Variants in GPATCH2 observed in about 807,000 individuals in gnomAD.
GPATCH2 encodes the protein G-patch domain containing 2.
Under a neutral mutation model 58.0 loss-of-function variants are expected in GPATCH2, and 51 were observed. The observed-to-expected ratio is 0.88, with a 90% CI of 0.70 to 1.11. GPATCH2 has a LOEUF of 1.11. Ranked by LOEUF, GPATCH2 falls within the 50% of genes most tolerant of loss-of-function variation. GPATCH2 has a pLI of 0.00. For synonymous variants in GPATCH2, 222 were observed against 218.5 expected, an observed-to-expected ratio of 1.02 and a Z score of -0.14; for missense variants, 625 against 652.2, an observed-to-expected ratio of 0.96 and a Z score of 0.45.
At chr1:217,490,880 G>A (rs947341957) in intron 8 of GPATCH2, among the ~76,000 whole-genome samples, 1 of 152,176 alleles carries the variant, frequency 6.6e-6, no homozygotes, top group South Asian at 2.1e-4. Context: ...ATGCTGGGTA[G>A]GATTTGCATT....
chr1:217,551,199 G>T (rs1665343442), intron 5 of GPATCH2, among the ~76,000 whole-genome samples: 1 of 151,588 alleles, frequency 6.6e-6, no homozygotes, highest in African/African-American at 2.4e-5. Context: ...AAAGATGTAT[G>T]GTCAGTAAAC....
intron 8 of GPATCH2, among the ~76,000 whole-genome samples, chr1:217,473,546 C>A (rs570510628): frequency 6.6e-6 from 1 of 151,332 alleles, no homozygotes; most frequent in East Asian, 1.9e-4. Context: ...ACGAACAAAC[C>A]CTGAGACATG....
At chr1:217,619,622 A>C (rs1024930925) in intron 2 of GPATCH2, among the ~76,000 whole-genome samples, 161 bp downstream of exon 2, 5 of 152,194 alleles carry the variant, frequency 3.3e-5, no homozygotes, top group African/African-American at 1.2e-4. Flanking sequence ...TTTGTGCTAA[A>C]CATCATAAAG....
chr1:217,608,792 A>G (rs999415754), intron 5 of GPATCH2: 12 of 984,262 alleles, frequency 1.2e-5, no homozygotes, highest in African/African-American at 3.5e-5. Context: ...ATAGCACAGA[A>G]AAGCTTACTT....
chr1:217,569,122 T>A (rs1571935755), intron 5 of GPATCH2, among the ~76,000 whole-genome samples: 2 of 145,586 alleles, frequency 1.4e-5, no homozygotes, highest in South Asian at 2.2e-4. Flanking sequence ...ATATTTACTT[T>A]AAAAAAAAAA....
At chr1:217,485,002 A>C (rs1661394166) in intron 8 of GPATCH2, among the ~76,000 whole-genome samples, 2 of 152,126 alleles carry the variant, frequency 1.3e-5, no homozygotes, top group African/African-American at 4.8e-5. Flanking sequence ...AAATATATTT[A>C]CTATAGAAAT....
chr1:217,481,518 AT>A (rs1389397726), intron 8 of GPATCH2, among the ~76,000 whole-genome samples: 1 of 152,186 alleles, frequency 6.6e-6, no homozygotes, highest in East Asian at 1.9e-4. Flanking sequence ...ACAATTTAAC[AT>A]TCTAAACTAT....
At chr1:217,608,336 A>C in intron 5 of GPATCH2, 2 of 984,920 alleles carry the variant, frequency 2.0e-6, no homozygotes, top group South Asian at 9.4e-5. Flanking sequence ...CATAGACCAG[A>C]AAAACAGCTT....
chr1:217,440,346 T>A (rs1055791959), intron 9 of GPATCH2, among the ~76,000 whole-genome samples: 48 of 152,186 alleles, frequency 3.2e-4, no homozygotes, highest in African/African-American at 1.1e-3. Flanking sequence ...AAACTAGGTA[T>A]TGATGAAATG....
chr1:217,498,208 G>T, intron 7 of GPATCH2, 148 bp downstream of exon 7: 1 of 769,986 alleles, frequency 1.3e-6, no homozygotes, highest in Non-Finnish European at 2.4e-6. Context: ...TTTGGTCAGT[G>T]TATTTAATCG....
intron 5 of GPATCH2, among the ~76,000 whole-genome samples, chr1:217,522,812 G>C (rs934152857): frequency 6.7e-6 from 1 of 150,196 alleles, no homozygotes; most frequent in African/African-American, 2.5e-5. Flanking sequence ...AAAACAAATA[G>C]TTTTGGGGAC....
chr1:217,547,097 C>T (rs1665093537), intron 5 of GPATCH2, among the ~76,000 whole-genome samples: 2 of 152,146 alleles, frequency 1.3e-5, no homozygotes, highest in East Asian at 3.9e-4. Context: ...GGCGTGGTGG[C>T]TCACACCTGT....
intron 7 of GPATCH2, chr1:217,494,914 C>CT (rs1371788568): frequency 3.8e-5 from 6 of 156,988 alleles, no homozygotes; most frequent in African/African-American, 1.4e-4. Context: ...CCTTGGACTC[C>CT]TATCAGTGTC....
Position 217,629,707 on chromosome 1 carries a change from A to G in GPATCH2, c.56+1209T>C, listed in dbSNP as rs528646737. Among the ~76,000 whole-genome samples the G allele has an allele frequency of 3.3e-4, 50 of 152,308 alleles. 2 individuals are homozygous for G. The highest frequency in any genetic ancestry group is 1.0e-3 in the African/African-American group (43 of 41,576). On this transcript the variant is annotated intron_variant, in intron 1 of 9. Coordinates refer to ENST00000366935, the MANE Select transcript of GPATCH2 (RefSeq NM_018040.5). ...AAAACTAATAAAATTAAGCCTGTAA[A>G]AATTGTGCATTTCATTCTATGCTAG...
At position 217,475,383 on chromosome 1, in the gene GPATCH2, G is replaced by A. The variant is rs529878748; in HGVS notation, c.1277+16297C>T. Among the ~76,000 whole-genome samples the A allele has an allele frequency of 1.3e-3, 197 of 152,180 alleles. 1 individual carries two copies. Among genetic ancestry groups the A allele is most frequent in the African/African-American group, 4.3e-3 (180 of 41,502 alleles). On this transcript the variant is annotated intron_variant, in intron 8 of 9. Coordinates refer to ENST00000366935, the MANE Select transcript of GPATCH2 (RefSeq NM_018040.5). ...GAGCCTGGGAGGCAGAGGTTGCAGC[G>A]AGCCGAAATTGTGCCACTGCACTCC...
At position 217,570,443 on chromosome 1, in the gene GPATCH2, G is replaced by A. The variant is rs112669586; in HGVS notation, c.1098+39878C>T. On this transcript the variant is annotated intron_variant, in intron 5 of 9. Transcript: ENST00000366935. ...ATATGTATTTAAAAGGGATATTCGT[G>A]TTTGTTCCTGTTTTCTTTCCCAACT... Among the ~76,000 whole-genome samples the A allele has an allele frequency of 4.1e-3, 624 of 152,198 alleles. 4 individuals carry two copies. The highest frequency in any genetic ancestry group is 0.014 in the African/African-American group (598 of 41,528).
chr1:217,548,496 G>A (rs915375538), intron 5 of GPATCH2, among the ~76,000 whole-genome samples: 1 of 152,156 alleles, frequency 6.6e-6, no homozygotes, highest in African/African-American at 2.4e-5. Flanking sequence ...AATCTCAGTC[G>A]TGAAAAGAAT....
At chr1:217,442,063 T>C (rs1659169343) in intron 9 of GPATCH2, among the ~76,000 whole-genome samples, 1 of 152,170 alleles carries the variant, frequency 6.6e-6, no homozygotes, top group African/African-American at 2.4e-5. Context: ...TACAGCTCTG[T>C]TCACAATAGC....
chr1:217,629,950 T>G (rs1198429236), intron 1 of GPATCH2, among the ~76,000 whole-genome samples: 4 of 152,204 alleles, frequency 2.6e-5, no homozygotes, highest in Non-Finnish European at 5.9e-5. Context: ...ACTACTAGAA[T>G]TCCTCATGTT....
Sources: gnomAD v4.1 joint callset for allele counts (sites outside exome capture counted in the v4.1 genomes callset) on GRCh38, gnomAD v4.1.1 for gene constraint, MANE v1.5 for transcripts, NCBI Gene and HGNC (gene_info 2026-07-23, HGNC 2026-07-21) for gene names.